Variants in ARFIP1 observed in about 807,000 individuals in gnomAD.
The protein encoded by ARFIP1 is ARF interacting protein 1.
In ARFIP1, 24 loss-of-function variants were observed where a neutral mutation model predicts 42.5. The observed-to-expected ratio is 0.57, with a 90% CI of 0.41 to 0.80. ARFIP1 has a LOEUF of 0.80. Ranked by LOEUF, ARFIP1 falls within the 30% of genes least tolerant of loss-of-function variation. ARFIP1 has a pLI of 0.00. For missense variants in ARFIP1, 354 were observed against 434.0 expected (o/e 0.82, Z 1.64); for synonymous variants, 141 against 153.7 (o/e 0.92, Z 0.61).
intron 1 of ARFIP1, among the ~76,000 whole-genome samples, chr4:152,794,639 TA>T (rs889354062): frequency 9.2e-5 from 14 of 152,216 alleles, no homozygotes; most frequent in Middle Eastern, 3.2e-3. Flanking sequence ...TATTGCTCTC[TA>T]ATTTTAGCAT....
intron 1 of ARFIP1, among the ~76,000 whole-genome samples, chr4:152,822,955 T>C: frequency 6.6e-6 from 1 of 151,992 alleles, no homozygotes; most frequent in East Asian, 1.9e-4. Flanking sequence ...AAATATGAAA[T>C]ATTATAAATT....
intron 1 of ARFIP1, among the ~76,000 whole-genome samples, chr4:152,826,123 T>G (rs1319692330): frequency 2.6e-5 from 4 of 152,336 alleles, no homozygotes; most frequent in African/African-American, 4.8e-5. Context: ...TTCCCACTAC[T>G]GGGTATCTAC....
chr4:152,883,655 CAT>C (rs1279237858), intron 7 of ARFIP1, among the ~76,000 whole-genome samples: 6 of 151,150 alleles, frequency 4.0e-5, no homozygotes, highest in African/African-American at 1.5e-4. Context: ...TTCCCTGTCT[CAT>C]AACTATCCTG....
At chr4:152,804,445 A>T (rs1295575636) in intron 1 of ARFIP1, among the ~76,000 whole-genome samples, 2 of 75,338 alleles carry the variant, frequency 2.7e-5, no homozygotes, top group Non-Finnish European at 2.5e-5. Flanking sequence ...AACATGTATT[A>T]TATATATTAT....
intron 1 of ARFIP1, chr4:152,796,935 G>A: frequency 3.3e-6 from 1 of 299,440 alleles, no homozygotes; most frequent in South Asian, 6.9e-5. Context: ...CTTTTATGGT[G>A]TATGTTGCGA....
chr4:152,885,585 G>A (rs1432028078), intron 7 of ARFIP1, among the ~76,000 whole-genome samples: 3 of 151,886 alleles, frequency 2.0e-5, no homozygotes, highest in African/African-American at 7.3e-5. Flanking sequence ...TGGTGGTAAT[G>A]AGCACTGTTA....
intron 2 of ARFIP1, among the ~76,000 whole-genome samples, chr4:152,841,876 C>T (rs968086720): frequency 4.6e-5 from 7 of 152,070 alleles, no homozygotes; most frequent in Non-Finnish European, 8.8e-5. Flanking sequence ...TTAATGACAT[C>T]GAAGGCACCC....
intron 1 of ARFIP1, among the ~76,000 whole-genome samples, chr4:152,819,056 T>C (rs1730141867): frequency 1.3e-5 from 2 of 152,092 alleles, no homozygotes. Context: ...TGTAACACAA[T>C]GGGCAGGGGC....
At chr4:152,818,746 T>A (rs2149837924) in intron 1 of ARFIP1, among the ~76,000 whole-genome samples, 1 of 152,298 alleles carries the variant, frequency 6.6e-6, no homozygotes, top group East Asian at 1.9e-4. Flanking sequence ...GCCTTCCAAA[T>A]GTAGGCTGCC....
chr4:152,842,555 A>C (rs1276945162), intron 2 of ARFIP1, among the ~76,000 whole-genome samples: 1 of 152,080 alleles, frequency 6.6e-6, no homozygotes, highest in Admixed American at 6.5e-5. Context: ...GATTATTCTT[A>C]GGTTTGGTTG....
chr4:152,796,099 T>G (rs1034097450), intron 1 of ARFIP1: 5 of 746,118 alleles, frequency 6.7e-6, no homozygotes, highest in Non-Finnish European at 1.3e-5. Flanking sequence ...ATCCATCATT[T>G]TCAGGATTGT....
At chr4:152,821,026 A>C (rs1730322900) in intron 1 of ARFIP1, among the ~76,000 whole-genome samples, 1 of 152,238 alleles carries the variant, frequency 6.6e-6, no homozygotes, top group Admixed American at 6.5e-5. Context: ...AGTTAGAAGA[A>C]ATAGTCTGCT....
chr4:152,898,571 G>A (rs11936055), intron 8 of ARFIP1, among the ~76,000 whole-genome samples: 147,593 of 152,270 alleles, frequency 0.97, 71,696 homozygotes, highest in East Asian at 1. Flanking sequence ...TATTATCACA[G>A]ACTGCCTACG....
chr4:152,850,085 T>TATG (rs1732861845), intron 2 of ARFIP1, among the ~76,000 whole-genome samples: 1 of 152,190 alleles, frequency 6.6e-6, no homozygotes, highest in African/African-American at 2.4e-5. Flanking sequence ...GAAAATAAAA[T>TATG]CACATACCTT....
At chr4:152,875,212 T>G (rs1735220559) in intron 5 of ARFIP1, among the ~76,000 whole-genome samples, 1 of 152,078 alleles carries the variant, frequency 6.6e-6, no homozygotes, top group Non-Finnish European at 1.5e-5. Context: ...AAATATTATT[T>G]TAATCTACCT....
At chr4:152,784,002 AAG>A (rs1730653332) in intron 1 of ARFIP1, among the ~76,000 whole-genome samples, 1 of 152,252 alleles carries the variant, frequency 6.6e-6, no homozygotes. Flanking sequence ...TGGGCATTGT[AAG>A]AGTCTGGAAG....
At chr4:152,904,053 AGTT>A (rs1738075500) in intron 8 of ARFIP1, among the ~76,000 whole-genome samples, 1 of 151,216 alleles carries the variant, frequency 6.6e-6, no homozygotes, top group South Asian at 2.1e-4. Flanking sequence ...TTTTTTTTTA[AGTT>A]ATTTTTATTT....
chr4:152,780,886 A>G (rs972163079), intron 1 of ARFIP1, among the ~76,000 whole-genome samples: 2 of 152,016 alleles, frequency 1.3e-5, no homozygotes, highest in African/African-American at 4.8e-5. Context: ...TTATTTTGTT[A>G]TTACTTCCTT....
chr4:152,811,071 C>T (rs1729415799), intron 1 of ARFIP1, among the ~76,000 whole-genome samples: 2 of 148,240 alleles, frequency 1.3e-5, no homozygotes, highest in African/African-American at 2.5e-5. Context: ...TCGACAACAG[C>T]CACATGCTAA....
Sources: gnomAD v4.1 joint callset for allele counts (sites outside exome capture counted in the v4.1 genomes callset) on GRCh38, gnomAD v4.1.1 for gene constraint, MANE v1.5 for transcripts, NCBI Gene and HGNC (gene_info 2026-07-23, HGNC 2026-07-21) for gene names.